PDE3B: variants seen among roughly 807,000 people sequenced by gnomAD.
The protein encoded by PDE3B is phosphodiesterase 3B.
A neutral mutation model predicts 116.8 loss-of-function variants in PDE3B; 66 were observed. That is an observed-to-expected ratio of 0.56 (90% CI 0.46 to 0.69). The LOEUF (loss-of-function observed/expected upper bound fraction) is 0.69, where lower values mean the gene tolerates loss of function less well. Among genes scored for constraint, PDE3B ranks in the 30% least tolerant of loss-of-function variants. PDE3B has a pLI of 0.00. For missense variants in PDE3B, 1,384 were observed against 1,368.1 expected (o/e 1.01, Z -0.18); for synonymous variants, 595 against 533.6 (o/e 1.12, Z -1.59).
At chr11:14,725,309 C>CTTTCTTTCTT (rs1393019002) in intron 1 of PDE3B, among the ~76,000 whole-genome samples, 18 of 147,300 alleles carry the variant, frequency 1.2e-4, no homozygotes, top group African/African-American at 3.8e-4. Flanking sequence ...TTCTTTCTTT[C>CTTTCTTTCTT]TCTTTCTTTC....
At chr11:14,674,425 A>G (rs1854470196) in intron 1 of PDE3B, 1 of 645,716 alleles carries the variant, frequency 1.5e-6, no homozygotes, top group African/African-American at 1.8e-5. Flanking sequence ...ACTGTAATGT[A>G]TAAAGTATTT....
chr11:14,892,204 A>T, the PDE3B span: 1 of 1,609,432 alleles, frequency 6.2e-7, no homozygotes, highest in Non-Finnish European at 8.5e-7. Context: ...AAGCTTCCAC[A>T]TCGGCCCGAG....
the PDE3B span, among the ~76,000 whole-genome samples, chr11:14,884,600 G>A: frequency 1.3e-5 from 2 of 151,458 alleles, no homozygotes; most frequent in African/African-American, 4.9e-5. Context: ...GTTAATGGGT[G>A]CAGCATACCA....
the PDE3B span, among the ~76,000 whole-genome samples, chr11:14,883,209 A>C: frequency 4.0e-5 from 6 of 151,602 alleles, no homozygotes; most frequent in African/African-American, 1.4e-4. Flanking sequence ...GAACCAAAAA[A>C]GAGCCTGCAT....
At chr11:14,851,695 A>G (rs1847757830) in intron 12 of PDE3B, among the ~76,000 whole-genome samples, 2 of 152,200 alleles carry the variant, frequency 1.3e-5, no homozygotes, top group South Asian at 4.1e-4. Context: ...TAAGTGGCAC[A>G]TATTTTCTTA....
At chr11:14,896,262 A>G in the PDE3B span, among the ~76,000 whole-genome samples, 3 of 152,312 alleles carry the variant, frequency 2.0e-5, no homozygotes, top group Admixed American at 2.0e-4. Flanking sequence ...AGAGAGTCAG[A>G]GGAAGTTTAG....
At chr11:14,857,208 T>C (rs1555006322) in intron 12 of PDE3B, among the ~76,000 whole-genome samples, 1 of 152,228 alleles carries the variant, frequency 6.6e-6, no homozygotes, top group Non-Finnish European at 1.5e-5. Flanking sequence ...GGTAACAAGA[T>C]GCTTTAGCAC....
chr11:14,724,344 T>C (rs768155830), intron 1 of PDE3B, among the ~76,000 whole-genome samples: 3 of 152,172 alleles, frequency 2.0e-5, no homozygotes, highest in Non-Finnish European at 4.4e-5. Context: ...TAAAACTCAT[T>C]AGTTAGCTTT....
At chr11:14,737,415 G>A (rs1341196639) in intron 1 of PDE3B, among the ~76,000 whole-genome samples, 3 of 151,992 alleles carry the variant, frequency 2.0e-5, no homozygotes, top group Non-Finnish European at 2.9e-5. Context: ...AGCCAGGATG[G>A]TCTCGATCTT....
At position 14,644,630 on chromosome 11, in the gene PDE3B, C is replaced by T. The variant is rs746198328; in HGVS notation, c.555C>T (p.Ala185=). The change falls in exon 1 of 16, where the codon GCC becomes GCT. Residue 185 remains alanine (A), a synonymous_variant. Coordinates refer to ENST00000282096, the MANE Select transcript of PDE3B (RefSeq NM_000922.4). ...PWGDGDAGSA[A]PHTPPEAAAG... ...GGGATGGCGACGCAGGGTCCGCGGC[C>T]CCGCACACGCCCCCGGAGGCGGCAG... 166 of 1,514,700 alleles carry T rather than the reference C, an allele frequency of 1.1e-4. No individual in the cohort carries two copies. Among genetic ancestry groups the T allele is most frequent in the Admixed American group, 8.6e-5 (4 of 46,390 alleles). 93.8% of individuals were successfully genotyped at this position (1,514,700 alleles called of 1,614,324 possible).
chr11:14,851,033 CG>C (rs1468367017), intron 12 of PDE3B, among the ~76,000 whole-genome samples: 30 of 149,136 alleles, frequency 2.0e-4, no homozygotes, highest in East Asian at 1.8e-3. Flanking sequence ...CTGTGTTAGC[CG>C]GGATGGTCTC....
intron 1 of PDE3B, among the ~76,000 whole-genome samples, chr11:14,708,949 G>A (rs1170191208): frequency 6.6e-6 from 1 of 151,914 alleles, no homozygotes; most frequent in African/African-American, 2.4e-5. Flanking sequence ...ACTAAAAATG[G>A]GTTAAAGTTA....
intron 1 of PDE3B, among the ~76,000 whole-genome samples, chr11:14,678,965 C>T (rs1854612710): frequency 1.3e-5 from 2 of 152,104 alleles, no homozygotes; most frequent in South Asian, 2.1e-4. Context: ...TTTATTTTCT[C>T]CTACATACAG....
intron 14 of PDE3B, 56 bp from the exon 15 acceptor site, chr11:14,867,450 C>T: frequency 2.0e-6 from 3 of 1,491,266 alleles, no homozygotes; most frequent in Non-Finnish European, 2.8e-6. Context: ...AACAGCAAAG[C>T]TCAGTGGTGG....
intron 1 of PDE3B, among the ~76,000 whole-genome samples, chr11:14,706,522 G>T (rs540119825): frequency 3.3e-5 from 5 of 151,984 alleles, no homozygotes; most frequent in African/African-American, 9.6e-5. Context: ...CGGGCACATA[G>T]TAACTACTCA....
chr11:14,724,229 T>C (rs987272345), intron 1 of PDE3B, among the ~76,000 whole-genome samples: 1 of 152,112 alleles, frequency 6.6e-6, no homozygotes, highest in Non-Finnish European at 1.5e-5. Flanking sequence ...GGAGAAGGCA[T>C]TGTTAAGAAT....
intron 1 of PDE3B, among the ~76,000 whole-genome samples, chr11:14,703,015 A>T (rs1373629641): frequency 1.3e-5 from 2 of 151,692 alleles, no homozygotes; most frequent in African/African-American, 4.8e-5. Context: ...TCTCTAGTTC[A>T]TTTTTTTCTA....
At chr11:14,892,243 G>C in the PDE3B span, 3 of 1,583,262 alleles carry the variant, frequency 1.9e-6, no homozygotes. Flanking sequence ...CAGCAGCCCT[G>C]AGACCCAGGC....
intron 11 of PDE3B, among the ~76,000 whole-genome samples, chr11:14,839,920 C>T (rs1240646345): frequency 6.6e-6 from 1 of 152,066 alleles, no homozygotes; most frequent in Non-Finnish European, 1.5e-5. Flanking sequence ...ACTAGGGATC[C>T]AGTGGTCTAG....
Sources: gnomAD v4.1 joint callset for allele counts (sites outside exome capture counted in the v4.1 genomes callset) on GRCh38, gnomAD v4.1.1 for gene constraint, MANE v1.5 for transcripts, NCBI Gene and HGNC (gene_info 2026-07-23, HGNC 2026-07-21) for gene names.